SNTG2: variants seen among roughly 807,000 people sequenced by gnomAD.
The protein encoded by SNTG2 is gamma-2-syntrophin.
In SNTG2, 74 loss-of-function variants were observed where a neutral mutation model predicts 70.9. That is an observed-to-expected ratio of 1.04 (90% CI 0.86 to 1.27). The LOEUF (loss-of-function observed/expected upper bound fraction) is 1.27, where lower values mean the gene tolerates loss of function less well. SNTG2 is among the 50% of genes most tolerant of loss of function. SNTG2 has a pLI of 0.00. For missense variants in SNTG2, 717 were observed against 690.7 expected (o/e 1.04, Z -0.43); for synonymous variants, 278 against 273.8 (o/e 1.02, Z -0.15).
intron 12 of SNTG2, among the ~76,000 whole-genome samples, chr2:1,249,655 CT>C (rs2148136486): frequency 6.6e-6 from 1 of 152,180 alleles, no homozygotes; most frequent in African/African-American, 2.4e-5. Context: ...AGCAACTTTC[CT>C]TCAGTATTCA....
intron 1 of SNTG2, among the ~76,000 whole-genome samples, chr2:1,031,528 A>ATATATATATTTTTTTTTTTTT: frequency 3.4e-5 from 2 of 59,124 alleles, no homozygotes; most frequent in African/African-American, 8.3e-5. Context: ...ATATATATAT[A>ATATATATATTTTTTTTTTTTT]TTTTTTTTTT....
At chr2:1,128,490 C>T (rs548990358) in intron 4 of SNTG2, among the ~76,000 whole-genome samples, 1 of 152,264 alleles carries the variant, frequency 6.6e-6, no homozygotes, top group East Asian at 1.9e-4. Flanking sequence ...ATCTGCCTTA[C>T]ACATTTATTC....
At chr2:1,000,709 T>A (rs1335739840) in intron 1 of SNTG2, among the ~76,000 whole-genome samples, 1 of 150,852 alleles carries the variant, frequency 6.6e-6, no homozygotes, top group Non-Finnish European at 1.5e-5. Context: ...CTGGTACCAA[T>A]CTTACTGAAA....
chr2:1,304,606 A>G (rs1313767030), intron 14 of SNTG2, among the ~76,000 whole-genome samples: 4 of 151,992 alleles, frequency 2.6e-5, no homozygotes, highest in Non-Finnish European at 4.4e-5. Flanking sequence ...GACGCCTGTA[A>G]TCCCAGCTAC....
At chr2:1,091,447 G>A (rs1490839272) in intron 2 of SNTG2, among the ~76,000 whole-genome samples, 2 of 152,178 alleles carry the variant, frequency 1.3e-5, no homozygotes, top group East Asian at 1.9e-4. Flanking sequence ...AGGGATCGAG[G>A]CAGGGGCTCC....
At position 1,120,605 on chromosome 2, in the gene SNTG2, A is replaced by AAGTT. The variant is rs1667319199; in HGVS notation, c.326-17016_326-17015insGTTA. Among the ~76,000 whole-genome samples the AAGTT allele has an allele frequency of 2.0e-5, 3 of 152,264 alleles. No homozygotes were observed. In the South Asian group the frequency reaches 6.2e-4, roughly 32 times the overall value. Reference sequence around the variant, plus strand: ...TAGCCAAAAGAGAGAAGGGGTAGTTAAACTTAACATCTGATAAAACAGACT... The same window carrying AAGTT: ...TAGCCAAAAGAGAGAAGGGGTAGTTAAGTTAACTTAACATCTGATAAAACAGACT... On this transcript the variant is annotated intron_variant, in intron 4 of 16. Coordinates refer to ENST00000308624, the MANE Select transcript of SNTG2 (RefSeq NM_018968.4).
chr2:1,164,836 C>CGGA (rs142885855), intron 6 of SNTG2, among the ~76,000 whole-genome samples: 8,140 of 151,746 alleles, frequency 0.054, 325 homozygotes, highest in East Asian at 0.21. Context: ...TACCTGGCCT[C>CGGA]GGAGGAGGAG....
rs1572514742 is a variant in SNTG2, at chr2:1,129,884, T to C, written c.326-7738T>C. On this transcript the variant is annotated intron_variant, in intron 4 of 16. Transcript: ENST00000308624. ...TACCTCTTTAATATTTTATAACATGTCATCTTCATGGAATTTAATATATAA... is the reference window on the plus strand; with the variant it reads ...TACCTCTTTAATATTTTATAACATGCCATCTTCATGGAATTTAATATATAA... Among the ~76,000 whole-genome samples the C allele has an allele frequency of 2.0e-5, 3 of 152,220 alleles. No homozygotes were observed. The East Asian group carries it at 5.8e-4, about 29-fold the overall frequency.
At chr2:1,277,888 C>A (rs1572908682) in intron 14 of SNTG2, among the ~76,000 whole-genome samples, 2 of 152,194 alleles carry the variant, frequency 1.3e-5, no homozygotes, top group African/African-American at 2.4e-5. Context: ...CGGAAGTGTC[C>A]GGCCCCACTC....
At chr2:1,332,886 G>A (rs563516331) in intron 16 of SNTG2, among the ~76,000 whole-genome samples, 1 of 152,230 alleles carries the variant, frequency 6.6e-6, no homozygotes, top group South Asian at 2.1e-4. Flanking sequence ...TTTCTCCTGA[G>A]AATTGGAAGA....
chr2:1,136,906 C>T (rs750216819), intron 4 of SNTG2, among the ~76,000 whole-genome samples: 4 of 152,088 alleles, frequency 2.6e-5, no homozygotes, highest in South Asian at 2.1e-4. Flanking sequence ...CGTCTCTGTA[C>T]GTTTGCTTAT....
intron 1 of SNTG2, among the ~76,000 whole-genome samples, chr2:1,028,926 A>G (rs992399237): frequency 3.9e-5 from 6 of 152,114 alleles, no homozygotes; most frequent in Non-Finnish European, 8.8e-5. Context: ...TAGAGTTTTT[A>G]GTAATGTGCT....
intron 1 of SNTG2, among the ~76,000 whole-genome samples, chr2:1,051,166 C>CTTCT (rs1475623256): frequency 7.2e-6 from 1 of 138,546 alleles, no homozygotes; most frequent in Non-Finnish European, 1.5e-5. Context: ...CTCCCCCTTT[C>CTTCT]TTCCTCCCTC....
chr2:1,000,067 T>A (rs1661816873), intron 1 of SNTG2, among the ~76,000 whole-genome samples: 1 of 151,864 alleles, frequency 6.6e-6, no homozygotes, highest in African/African-American at 2.4e-5. Context: ...GGAAAATTTT[T>A]AAATTTTCTT....
intron 14 of SNTG2, among the ~76,000 whole-genome samples, chr2:1,290,614 G>A (rs958391104): frequency 1.3e-5 from 2 of 152,050 alleles, no homozygotes; most frequent in African/African-American, 4.8e-5. Context: ...GCACCCAGCT[G>A]AGAAGTACTG....
In SNTG2 at chr2:1,084,531, G is replaced by A. The variant is rs114954409; in HGVS notation, c.210+876G>A. On this transcript the variant is annotated intron_variant, in intron 2 of 16. Coordinates refer to ENST00000308624, the MANE Select transcript of SNTG2 (RefSeq NM_018968.4). ...GCGAAGGCTCTGGGATGGGGGCAGG[G>A]TCCCCCTTTCAGTTGCTCTTCCCTG... Among the ~76,000 whole-genome samples, 1,008 of 152,254 alleles carry A rather than the reference G, an allele frequency of 6.6e-3. 9 individuals are homozygous for A. Among genetic ancestry groups the A allele is most frequent in the African/African-American group, 0.023 (951 of 41,550 alleles).
chr2:1,269,510 G>A (rs772628152), intron 14 of SNTG2, among the ~76,000 whole-genome samples: 9 of 152,012 alleles, frequency 5.9e-5, no homozygotes, highest in Non-Finnish European at 1.2e-4. Flanking sequence ...CACAGAGTGA[G>A]ACCCTGTCTC....
At position 1,267,400 on chromosome 2, in the gene SNTG2, C is replaced by T. The variant is rs771703707; in HGVS notation, c.1113C>T (p.Asn371=). The T allele has an allele frequency of 1.2e-5, 20 of 1,609,550 alleles. No homozygotes were observed. Among genetic ancestry groups the T allele is most frequent in the Admixed American group, 8.4e-5 (5 of 59,412 alleles). Residue 371 remains asparagine (N), a synonymous_variant, in exon 14 of 17, where the codon AAC becomes AAT. Transcript: ENST00000308624. The stretch of plus-strand genomic sequence containing the variant: ...CAGAGGACTGCTGGTTGCAAGCAAA[C>T]TTGTATCTGGGTCTTCAAGATTTTG... ...WLTEDCWLQA[N]LYLGLQDFDF... is the part of the protein sequence containing the mutation.
chr2:1,071,297 T>C (rs996778394), intron 1 of SNTG2, among the ~76,000 whole-genome samples: 198 of 150,758 alleles, frequency 1.3e-3, no homozygotes, highest in Non-Finnish European at 1.1e-3. Flanking sequence ...GTGGCACATA[T>C]ACACCATGGA....
Sources: gnomAD v4.1 joint callset for allele counts (sites outside exome capture counted in the v4.1 genomes callset) on GRCh38, gnomAD v4.1.1 for gene constraint, MANE v1.5 for transcripts, NCBI Gene and HGNC (gene_info 2026-07-23, HGNC 2026-07-21) for gene names.